Variants in ULK4 observed in about 807,000 individuals in gnomAD.
The protein encoded by ULK4 is inactive serine/threonine-protein kinase ULK4.
A neutral mutation model predicts 160.6 loss-of-function variants in ULK4; 133 were observed. That is an observed-to-expected ratio of 0.83 (90% CI 0.72 to 0.96). The LOEUF (loss-of-function observed/expected upper bound fraction) is 0.96, where lower values mean the gene tolerates loss of function less well. Among genes scored for constraint, ULK4 ranks in the 40% least tolerant of loss-of-function variants. The pLI is 0.00. For synonymous variants in ULK4, 534 were observed against 539.8 expected (o/e 0.99, Z 0.15); for missense variants, 1,580 against 1,499.5 (o/e 1.05, Z -0.89).
At chr3:41,819,580 C>T in intron 18 of ULK4, 74 bp from the exon 19 acceptor site, 2 of 1,302,048 alleles carry the variant, frequency 1.5e-6, no homozygotes, top group Non-Finnish European at 1.1e-6. Context: ...AAGCAAATGG[C>T]ACAGCTCCAA....
chr3:41,811,020 A>C (rs1414748872), intron 19 of ULK4, among the ~76,000 whole-genome samples: 6 of 151,714 alleles, frequency 4.0e-5, no homozygotes, highest in Non-Finnish European at 8.8e-5. Flanking sequence ...AGTAGCTGGG[A>C]CTACAGGCAT....
At chr3:41,518,069 G>A (rs1239129995) in intron 32 of ULK4, among the ~76,000 whole-genome samples, 1 of 152,192 alleles carries the variant, frequency 6.6e-6, no homozygotes, top group Non-Finnish European at 1.5e-5. Flanking sequence ...GAGCTATTAG[G>A]AGGCAGGAGA....
intron 22 of ULK4, among the ~76,000 whole-genome samples, chr3:41,722,163 T>TCAC (rs1470017947): frequency 6.6e-6 from 1 of 152,134 alleles, no homozygotes; most frequent in Non-Finnish European, 1.5e-5. Context: ...GCTGCTATCA[T>TCAC]CACCACCACC....
intron 32 of ULK4, among the ~76,000 whole-genome samples, chr3:41,472,119 A>G (rs189937642): frequency 6.6e-6 from 1 of 152,078 alleles, no homozygotes; most frequent in Non-Finnish European, 1.5e-5. Flanking sequence ...TGACTCAAAT[A>G]AATAAAATCA....
intron 31 of ULK4, among the ~76,000 whole-genome samples, chr3:41,581,676 C>G (rs1389188378): frequency 6.6e-6 from 1 of 152,170 alleles, no homozygotes; most frequent in Non-Finnish European, 1.5e-5. Flanking sequence ...AAACCTACAC[C>G]CAGACATGAG....
chr3:41,842,618 G>A (rs553332038), intron 17 of ULK4, among the ~76,000 whole-genome samples: 22 of 150,840 alleles, frequency 1.5e-4, no homozygotes, highest in Non-Finnish European at 2.2e-4. Context: ...CCTTCTCTCC[G>A]ACCATGGGAT....
chr3:41,806,686 C>G (rs1393828696), intron 19 of ULK4, among the ~76,000 whole-genome samples: 3 of 151,860 alleles, frequency 2.0e-5, no homozygotes, highest in African/African-American at 4.8e-5. Context: ...TATGTTGTGT[C>G]TTTGTTCTCG....
At chr3:41,533,565 C>G (rs932103409) in intron 32 of ULK4, among the ~76,000 whole-genome samples, 1 of 152,140 alleles carries the variant, frequency 6.6e-6, no homozygotes, top group African/African-American at 2.4e-5. Context: ...GGCTACCCAC[C>G]TAATTCTGTA....
intron 32 of ULK4, among the ~76,000 whole-genome samples, chr3:41,528,400 A>G (rs1350466816): frequency 6.6e-6 from 1 of 152,262 alleles, no homozygotes; most frequent in African/African-American, 2.4e-5. Flanking sequence ...ACATTTATAT[A>G]TAAGGAATTC....
At chr3:41,329,990 T>C in intron 35 of ULK4, among the ~76,000 whole-genome samples, 1 of 152,204 alleles carries the variant, frequency 6.6e-6, no homozygotes, top group East Asian at 1.9e-4. Context: ...TCACATTAAT[T>C]GACCTTATTC....
chr3:41,284,110 G>A (rs769452840), intron 35 of ULK4, among the ~76,000 whole-genome samples: 6 of 152,084 alleles, frequency 3.9e-5, no homozygotes, highest in African/African-American at 1.4e-4. Context: ...CCATGCTCAC[G>A]GATGGTGAGA....
intron 32 of ULK4, among the ~76,000 whole-genome samples, chr3:41,500,558 C>A (rs1026569794): frequency 6.6e-6 from 1 of 152,124 alleles, no homozygotes; most frequent in Admixed American, 6.5e-5. Context: ...GTCCTCAAAT[C>A]CCTAGCAGAC....
intron 21 of ULK4, among the ~76,000 whole-genome samples, chr3:41,765,038 C>T (rs1353891585): frequency 6.6e-6 from 1 of 152,046 alleles, no homozygotes; most frequent in Non-Finnish European, 1.5e-5. Context: ...ACCATTTGAC[C>T]CAGCCATCTC....
intron 31 of ULK4, among the ~76,000 whole-genome samples, chr3:41,591,385 T>C (rs941424105): frequency 1.3e-5 from 2 of 149,968 alleles, no homozygotes; most frequent in African/African-American, 2.4e-5. Context: ...AAGATGAAAG[T>C]TGAATAGAGT....
intron 35 of ULK4, among the ~76,000 whole-genome samples, chr3:41,379,201 T>C (rs914611082): frequency 2.8e-5 from 4 of 144,698 alleles, no homozygotes; most frequent in Admixed American, 1.4e-4. Flanking sequence ...ACTTAAAGTA[T>C]TTAAAAAAAA....
At chr3:41,517,891 C>CA (rs1344301372) in intron 32 of ULK4, among the ~76,000 whole-genome samples, 1 of 152,144 alleles carries the variant, frequency 6.6e-6, no homozygotes, top group Non-Finnish European at 1.5e-5. Flanking sequence ...TAATTAAAGG[C>CA]AATGGCAAAA....
intron 32 of ULK4, among the ~76,000 whole-genome samples, chr3:41,506,656 G>A (rs796068616): frequency 2.0e-5 from 3 of 148,028 alleles, no homozygotes; most frequent in African/African-American, 7.5e-5. Context: ...CCTGACTTTC[G>A]ACCATCAGTC....
At chr3:41,529,971 G>C (rs1025244867) in intron 32 of ULK4, among the ~76,000 whole-genome samples, 1 of 152,182 alleles carries the variant, frequency 6.6e-6, no homozygotes, top group African/African-American at 2.4e-5. Flanking sequence ...ACTGGGAAAG[G>C]AGTGAATGAA....
chr3:41,799,334 C>T (rs928708490), intron 20 of ULK4, among the ~76,000 whole-genome samples: 4 of 152,170 alleles, frequency 2.6e-5, no homozygotes. Flanking sequence ...TTATCCTTTA[C>T]ACCACGTTAT....
Sources: allele counts gnomAD v4.1 joint callset (sites outside exome capture counted in the v4.1 genomes callset), GRCh38; gene constraint gnomAD v4.1.1; transcripts MANE v1.5; gene names NCBI Gene and HGNC (gene_info 2026-07-23, HGNC 2026-07-21).